Variants in MEAK7 observed in about 807,000 individuals in gnomAD.
MEAK7 encodes the protein MTOR associated protein MEAK7, also known as MTOR-associated protein MEAK7.
MEAK7 carries 68 observed loss-of-function variants against 40.5 expected under a neutral mutation model. That is an observed-to-expected ratio of 1.68 (90% CI 1.38 to 2.06). The LOEUF (loss-of-function observed/expected upper bound fraction) is 2.06, where lower values mean the gene tolerates loss of function less well. MEAK7 is among the 30% of genes most tolerant of loss of function. The pLI is 0.00. For synonymous variants in MEAK7, 338 were observed against 231.9 expected (o/e 1.46, Z -4.16); for missense variants, 918 against 580.5 (o/e 1.58, Z -5.98).
intron 2 of MEAK7, 34 bp downstream of exon 2, chr16:84,497,900 C>A: frequency 6.2e-7 from 1 of 1,613,820 alleles, no homozygotes; most frequent in African/African-American, 1.3e-5. Context: ...CCCCTGCTCC[C>A]AACTAAACAT....
chr16:84,503,998 G>A (rs1914697824), intron 1 of MEAK7: 1 of 985,372 alleles, frequency 1.0e-6, no homozygotes, highest in Admixed American at 6.1e-5. Context: ...CATCTGGACA[G>A]GCTTCGAAGT....
intron 5 of MEAK7, among the ~76,000 whole-genome samples, chr16:84,483,879 G>A (rs968751991): frequency 3.3e-5 from 5 of 152,192 alleles, no homozygotes; most frequent in Admixed American, 2.6e-4. Flanking sequence ...GGTGGAGGAA[G>A]GAGGATAGTT....
chr16:84,489,515 C>G, intron 3 of MEAK7, 93 bp from the exon 4 acceptor site: 1 of 1,414,530 alleles, frequency 7.1e-7, no homozygotes, highest in Non-Finnish European at 9.6e-7. Flanking sequence ...TTCTTTAACA[C>G]CAACTATGAT....
At position 84,482,619 on chromosome 16, in the gene MEAK7, A is replaced by G. The variant is rs369185099; in HGVS notation, c.1050T>C (p.His350=). The change falls in exon 6 of 8, where the codon CAT becomes CAC. Residue 350 remains histidine, a synonymous_variant. Transcript: ENST00000343629. The part of the protein sequence containing the change: ...GYNDHYMYLN[H]GQQTIPNGLG... ...GTCCGTTCGGGATCGTCTGCTGTCC[A>G]TGGTTCAAGTACATGTAGTGGTCGT... 28 of 1,614,204 alleles carry G rather than the reference A, an allele frequency of 1.7e-5. No individual in the cohort carries two copies. Among genetic ancestry groups the G allele is most frequent in the African/African-American group, 5.3e-5 (4 of 75,060 alleles).
In MEAK7 at chr16:84,482,268, G is replaced by A. The variant is rs116591152; in HGVS notation, c.1077+324C>T. ...TATGAGGCAGGCCAGCGACGCGCAG[G>A]GACAGGTCTGGCGCTGACACCATCC... On this transcript the variant is annotated intron_variant, in intron 6 of 7. Transcript: ENST00000343629. 8.3e-3 allele frequency among the ~76,000 whole-genome samples: 1,263 copies of A among 152,302 alleles called. 19 individuals are homozygous for A. The highest frequency in any genetic ancestry group is 0.028 in the African/African-American group (1,184 of 41,566).
At position 84,476,729 on chromosome 16, in the gene MEAK7, G is replaced by C. The variant is rs1382958831; in HGVS notation, c.*3184C>G. 6.6e-6 allele frequency: 1 copy of C among 152,252 alleles called. No homozygotes were observed. The highest frequency in any genetic ancestry group is 1.5e-5 in the Non-Finnish European group (1 of 68,068). The allele number at this position is 152,252 out of a possible 1,614,324, so 9.4% of individuals were successfully genotyped here. On this transcript the variant is annotated 3_prime_UTR_variant, in exon 8 of 8. Coordinates refer to ENST00000343629, the MANE Select transcript of MEAK7 (RefSeq NM_020947.4). The stretch of plus-strand genomic sequence containing the variant: ...AAAAGAAAGCGAGGGACACATCAGT[G>C]TGTAAAAGACAGTGATGCCCAGGTG...
intron 1 of MEAK7, among the ~76,000 whole-genome samples, chr16:84,501,306 A>T (rs1448696132): frequency 6.6e-6 from 1 of 152,068 alleles, no homozygotes; most frequent in East Asian, 1.9e-4. Flanking sequence ...GGGATCAGCG[A>T]GGCAAGGGTG....
chr16:84,482,477 G>C (rs532267989), intron 6 of MEAK7, 115 bp downstream of exon 6: 18 of 1,527,296 alleles, frequency 1.2e-5, no homozygotes, highest in Non-Finnish European at 1.6e-5. Context: ...CATGGCGTGC[G>C]TGAGGAACTG....
chr16:84,501,105 G>GAAAAAAAAAAAAAAAAAAAAAAAA (rs35447624), intron 1 of MEAK7, among the ~76,000 whole-genome samples: 2 of 103,638 alleles, frequency 1.9e-5, no homozygotes, highest in African/African-American at 3.8e-5. Context: ...AAAAAAAAAA[G>GAAAAAAAAAAAAAAAAAAAAAAAA]AAAAAAAAAA....
At chr16:84,482,453 C>T in intron 6 of MEAK7, 139 bp downstream of exon 6, 1 of 1,413,438 alleles carries the variant, frequency 7.1e-7, no homozygotes, top group Non-Finnish European at 9.6e-7. Flanking sequence ...GCCCTGGAAA[C>T]AGAAGGAACT....
At position 84,480,827 on chromosome 16, in the gene MEAK7, G is replaced by C. The variant is rs1410857077; in HGVS notation, c.1078-119C>G. 4 of 1,091,916 alleles carry C rather than the reference G, an allele frequency of 3.7e-6. No homozygotes were observed. In the East Asian group the frequency reaches 8.6e-5, roughly 23 times the overall value. 67.6% of individuals were successfully genotyped at this position (1,091,916 alleles called of 1,614,324 possible). A position where few individuals can be genotyped will look rare whatever the true frequency, so the allele number is the denominator to read the frequency against. On this transcript the variant is annotated intron_variant, in intron 6 of 7. Coordinates refer to ENST00000343629, the MANE Select transcript of MEAK7 (RefSeq NM_020947.4). Reference sequence around the variant, plus strand: ...AGCCTGAGACAGGGGCGGGTGAGTGGTGAATGCCATCATCTTGTTTTCCTT... The same window carrying C: ...AGCCTGAGACAGGGGCGGGTGAGTGCTGAATGCCATCATCTTGTTTTCCTT...
chr16:84,477,725 G>A lies in MEAK7; in HGVS notation c.*2188C>T, dbSNP rs1258925143. On this transcript the variant is annotated 3_prime_UTR_variant, in exon 8 of 8. Coordinates refer to ENST00000343629, the MANE Select transcript of MEAK7 (RefSeq NM_020947.4). ...ATTCATTTGTGCAAACTAGGATTGC[G>A]AGTTTCTCAGAGCCAGGTAAGGTAC... 4 of 152,018 alleles carry A rather than the reference G, an allele frequency of 2.6e-5. No homozygotes were observed. The highest frequency in any genetic ancestry group is 6.6e-5 in the Admixed American group (1 of 15,254). The allele number at this position is 152,018 out of a possible 1,614,324, so 9.4% of individuals were successfully genotyped here. A position where few individuals can be genotyped will look rare whatever the true frequency, so the allele number is the denominator to read the frequency against.
At chr16:84,491,359 G>T (rs141733142) in intron 3 of MEAK7, among the ~76,000 whole-genome samples, 1 of 152,126 alleles carries the variant, frequency 6.6e-6, no homozygotes, top group African/African-American at 2.4e-5. Context: ...CCAACATGAT[G>T]AGACCCCCGT....
At chr16:84,481,852 T>C (rs1912578731) in intron 6 of MEAK7, among the ~76,000 whole-genome samples, 1 of 151,914 alleles carries the variant, frequency 6.6e-6, no homozygotes, top group Non-Finnish European at 1.5e-5. Flanking sequence ...GAGAATGGCG[T>C]GAACCTGGGA....
At chr16:84,500,167 T>A (rs550405466) in intron 1 of MEAK7, 1 of 152,324 alleles carries the variant, frequency 6.6e-6, no homozygotes, top group East Asian at 1.9e-4. Context: ...TATGGCTGAT[T>A]AGTATTTTGT....
intron 1 of MEAK7, 115 bp downstream of exon 1, chr16:84,504,486 G>A (rs1914738516): frequency 1.3e-5 from 8 of 636,190 alleles, no homozygotes; most frequent in East Asian, 1.4e-4. Context: ...AGGCGTGGGA[G>A]GCCAGGGAGG....
At chr16:84,490,694 G>GTGTGTGTGTGTGTGTGTA (rs1229822252) in intron 3 of MEAK7, among the ~76,000 whole-genome samples, 1 of 148,814 alleles carries the variant, frequency 6.7e-6, no homozygotes, top group African/African-American at 2.5e-5. Context: ...GTGTGTGTGT[G>GTGTGTGTGTGTGTGTGTA]TATTTAAAGG....
At chr16:84,482,308 T>A (rs1314350247) in intron 6 of MEAK7, among the ~76,000 whole-genome samples, 1 of 152,122 alleles carries the variant, frequency 6.6e-6, no homozygotes, top group Non-Finnish European at 1.5e-5. Flanking sequence ...CCACAAAGGC[T>A]ACAAACCAAT....
rs751250685 is a variant in MEAK7 at position 84,482,592 on chromosome 16, C to A, written c.1077G>T (p.Leu359=). The change falls in exon 6 of 8, where the codon CTG becomes CTT. Residue 359 remains leucine, a splice_region_variant and synonymous_variant. Transcript: ENST00000343629. ...NHGQQTIPNG[L]GMGGQHNYFG... is the part of the protein sequence containing the mutation. ...ACCACCACGCTCTGCCCGGGCTCAC[C>A]AGTCCGTTCGGGATCGTCTGCTGTC... is the stretch of plus-strand genomic sequence containing the variant. The A allele has an allele frequency of 3.7e-6, 6 of 1,614,182 alleles. No homozygotes were observed. Among genetic ancestry groups the A allele is most frequent in the Non-Finnish European group, 4.2e-6 (5 of 1,179,994 alleles).
Sources: gnomAD v4.1 joint callset for allele counts (sites outside exome capture counted in the v4.1 genomes callset) on GRCh38, gnomAD v4.1.1 for gene constraint, MANE v1.5 for transcripts, NCBI Gene and HGNC (gene_info 2026-07-23, HGNC 2026-07-21) for gene names.